The following RUNDC3B variants were observed in gnomAD, a reference collection of about 807,000 sequenced individuals.
The protein encoded by RUNDC3B is RUN domain-containing protein 3B.
A neutral mutation model predicts 58.4 loss-of-function variants in RUNDC3B; 33 were observed. That is an observed-to-expected ratio of 0.56 (90% confidence interval 0.43 to 0.75). The LOEUF is 0.75. Ranked by LOEUF, RUNDC3B falls within the 30% of genes least tolerant of loss-of-function variation. RUNDC3B has a pLI of 0.00. For synonymous variants in RUNDC3B, 193 were observed against 195.2 expected, an observed-to-expected ratio of 0.99 and a Z score of 0.10; for missense variants, 501 against 535.7, an observed-to-expected ratio of 0.94 and a Z score of 0.64.
At chr7:87,722,559 T>G (rs1167465704) in intron 4 of RUNDC3B, among the ~76,000 whole-genome samples, 1 of 152,196 alleles carries the variant, frequency 6.6e-6, no homozygotes, top group Non-Finnish European at 1.5e-5. Context: ...AGTATGAGTG[T>G]ACTGAGATTA....
intron 2 of RUNDC3B, among the ~76,000 whole-genome samples, chr7:87,653,814 C>T (rs1823814883): frequency 6.6e-6 from 1 of 151,960 alleles, no homozygotes; most frequent in African/African-American, 2.4e-5. Flanking sequence ...TTCTGGCTTA[C>T]CACTGATTTG....
At chr7:87,753,180 G>A (rs1584107573) in intron 6 of RUNDC3B, among the ~76,000 whole-genome samples, 1 of 150,030 alleles carries the variant, frequency 6.7e-6, no homozygotes, top group South Asian at 2.1e-4. Flanking sequence ...GTAGTTGAGC[G>A]GTTTTGAGTG....
chr7:87,804,431 T>C (rs1266379543), intron 8 of RUNDC3B, among the ~76,000 whole-genome samples: 1 of 152,146 alleles, frequency 6.6e-6, no homozygotes, highest in Non-Finnish European at 1.5e-5. Context: ...CTTTAATGGT[T>C]TTGAGTCATT....
chr7:87,678,665 A>G (rs1171280781), intron 2 of RUNDC3B, among the ~76,000 whole-genome samples: 2 of 152,192 alleles, frequency 1.3e-5, no homozygotes. Flanking sequence ...GACTGGGTAA[A>G]AAAAGGACTC....
At chr7:87,766,384 G>A (rs891815223) in intron 6 of RUNDC3B, among the ~76,000 whole-genome samples, 4 of 152,032 alleles carry the variant, frequency 2.6e-5, no homozygotes, top group African/African-American at 4.8e-5. Context: ...GGTGAGTATC[G>A]TCCTTTTTTT....
chr7:87,786,185 A>C (rs544210680), intron 8 of RUNDC3B, among the ~76,000 whole-genome samples: 16 of 152,118 alleles, frequency 1.1e-4, no homozygotes, highest in Admixed American at 2.0e-4. Context: ...GCCTCCTAAA[A>C]ACGTTCCTAG....
intron 2 of RUNDC3B, among the ~76,000 whole-genome samples, chr7:87,668,418 T>G (rs376851819): frequency 6.6e-6 from 1 of 152,042 alleles, no homozygotes; most frequent in East Asian, 1.9e-4. Flanking sequence ...TTTTATTAGT[T>G]TTTTCAAAAC....
intron 7 of RUNDC3B, among the ~76,000 whole-genome samples, 174 bp downstream of exon 7, chr7:87,770,923 T>C (rs1449981785): frequency 6.6e-6 from 1 of 152,230 alleles, no homozygotes; most frequent in Non-Finnish European, 1.5e-5. Context: ...GATACTTTTG[T>C]TTGTTGAACT....
intron 10 of RUNDC3B, among the ~76,000 whole-genome samples, chr7:87,823,886 A>G (rs1299456924): frequency 6.6e-6 from 1 of 151,846 alleles, no homozygotes. Flanking sequence ...CCACTTGTTG[A>G]TTGATGGGCA....
At chr7:87,820,869 G>C (rs910399780) in intron 10 of RUNDC3B, among the ~76,000 whole-genome samples, 2 of 151,842 alleles carry the variant, frequency 1.3e-5, no homozygotes, top group African/African-American at 2.4e-5. Context: ...CAATAAATTA[G>C]GTATTGATGG....
chr7:87,697,465 A>G (rs1344500139), intron 2 of RUNDC3B, among the ~76,000 whole-genome samples: 1 of 152,212 alleles, frequency 6.6e-6, no homozygotes, highest in African/African-American at 2.4e-5. Context: ...TTGAAGTTAG[A>G]AACATTTGAG....
chr7:87,703,569 A>C, intron 3 of RUNDC3B, among the ~76,000 whole-genome samples: 1 of 152,148 alleles, frequency 6.6e-6, no homozygotes. Flanking sequence ...TTCCTGCTTC[A>C]ATATCTTTCA....
chr7:87,692,123 G>T (rs993510862), intron 2 of RUNDC3B, among the ~76,000 whole-genome samples: 1 of 152,052 alleles, frequency 6.6e-6, no homozygotes. Flanking sequence ...AGGGCACAGA[G>T]GCTAGCATAC....
intron 2 of RUNDC3B, among the ~76,000 whole-genome samples, chr7:87,664,653 A>T (rs1227374419): frequency 6.6e-6 from 1 of 152,178 alleles, no homozygotes; most frequent in Non-Finnish European, 1.5e-5. Flanking sequence ...AATGGAGATG[A>T]TAGAGGTGCG....
At chr7:87,759,111 A>G (rs917422431) in intron 6 of RUNDC3B, among the ~76,000 whole-genome samples, 73 of 152,220 alleles carry the variant, frequency 4.8e-4, no homozygotes, top group Non-Finnish European at 3.1e-4. Context: ...GAATGGCTAA[A>G]TAAAATGTGG....
intron 3 of RUNDC3B, among the ~76,000 whole-genome samples, chr7:87,704,146 C>A (rs1489367581): frequency 6.6e-6 from 1 of 151,840 alleles, no homozygotes; most frequent in Non-Finnish European, 1.5e-5. Context: ...GTCTCGAACT[C>A]CTGAGTTCAA....
intron 4 of RUNDC3B, among the ~76,000 whole-genome samples, chr7:87,727,602 G>T (rs1831314253): frequency 6.6e-6 from 1 of 151,822 alleles, no homozygotes; most frequent in Non-Finnish European, 1.5e-5. Flanking sequence ...TTTCCCAGAT[G>T]AATTTCTAAA....
At chr7:87,700,123 T>C (rs1302475537) in intron 2 of RUNDC3B, among the ~76,000 whole-genome samples, 1 of 152,026 alleles carries the variant, frequency 6.6e-6, no homozygotes, top group East Asian at 1.9e-4. Flanking sequence ...ATTAGACAAA[T>C]AGGATGTTAA....
chr7:87,752,641 A>C (rs1422875311), intron 6 of RUNDC3B, among the ~76,000 whole-genome samples: 3 of 152,190 alleles, frequency 2.0e-5, no homozygotes, highest in Non-Finnish European at 2.9e-5. Context: ...CATTTCTTCT[A>C]AATTTTCTAG....
Sources: allele counts gnomAD v4.1 joint callset (sites outside exome capture counted in the v4.1 genomes callset), GRCh38; gene constraint gnomAD v4.1.1; transcripts MANE v1.5; gene names NCBI Gene and HGNC (gene_info 2026-07-23, HGNC 2026-07-21).